MSI2: variants seen among roughly 807,000 people sequenced by gnomAD.
MSI2 encodes musashi RNA binding protein 2.
A neutral mutation model predicts 45.6 loss-of-function variants in MSI2; 17 were observed. That is an observed-to-expected ratio of 0.37 (90% CI 0.26 to 0.56). The LOEUF is 0.56. Among genes scored for constraint, MSI2 ranks in the 20% least tolerant of loss-of-function variants. MSI2 has a pLI of 0.77. For synonymous variants in MSI2, 156 were observed against 158.2 expected (o/e 0.99, Z 0.11); for missense variants, 293 against 444.2 (o/e 0.66, Z 3.06).
chr17:57,353,680 G>C (rs533090895), intron 5 of MSI2, among the ~76,000 whole-genome samples: 1 of 152,276 alleles, frequency 6.6e-6, no homozygotes, highest in East Asian at 1.9e-4. Context: ...TCCAGTACCA[G>C]TAGATTGAAG....
intron 8 of MSI2, among the ~76,000 whole-genome samples, chr17:57,597,683 T>TA (rs1222625482): frequency 6.6e-6 from 1 of 152,174 alleles, no homozygotes; most frequent in Non-Finnish European, 1.5e-5. Context: ...GGACTTTACA[T>TA]AAACAGGCAG....
intron 6 of MSI2, among the ~76,000 whole-genome samples, chr17:57,403,918 A>C (rs1161219231): frequency 7.7e-6 from 1 of 129,834 alleles, no homozygotes; most frequent in Non-Finnish European, 1.6e-5. Context: ...TGGTTGAAGG[A>C]AACAGAATGA....
chr17:57,486,199 TC>T (rs1188583724), intron 6 of MSI2, among the ~76,000 whole-genome samples: 1 of 152,206 alleles, frequency 6.6e-6, no homozygotes, highest in East Asian at 1.9e-4. Context: ...GGTTATTTTT[TC>T]CCCTAGCAAA....
intron 10 of MSI2, among the ~76,000 whole-genome samples, chr17:57,648,032 G>A (rs1366489523): frequency 1.3e-5 from 2 of 151,854 alleles, no homozygotes; most frequent in South Asian, 2.1e-4. Flanking sequence ...GTGCAGTCTC[G>A]GCTCACTGCA....
chr17:57,534,195 C>T (rs2086877074), intron 7 of MSI2, among the ~76,000 whole-genome samples: 1 of 152,234 alleles, frequency 6.6e-6, no homozygotes, highest in African/African-American at 2.4e-5. Flanking sequence ...ACCTGGAGCT[C>T]AGGCTCTTAC....
chr17:57,316,164 G>A (rs776523708), intron 5 of MSI2, among the ~76,000 whole-genome samples: 9 of 152,056 alleles, frequency 5.9e-5, no homozygotes, highest in Non-Finnish European at 1.2e-4. Flanking sequence ...TAGCATGAAG[G>A]AGAAGGGAAA....
In MSI2 at chr17:57,387,278, G is replaced by A. The variant is rs879303808; in HGVS notation, c.313-14101G>A. Reference sequence around the variant, plus strand: ...CTACACATTTAGTAAAGTTCCTGGCGGACTGAGTTCTGTTTGATTGGTGAT... The same window carrying A: ...CTACACATTTAGTAAAGTTCCTGGCAGACTGAGTTCTGTTTGATTGGTGAT... On this transcript the variant is annotated intron_variant, in intron 5 of 13. Transcript: ENST00000284073. Among the ~76,000 whole-genome samples, 25 of 152,280 alleles carry A rather than the reference G, an allele frequency of 1.6e-4. No individual in the cohort carries two copies. In the South Asian group the frequency reaches 1.9e-3, roughly 11 times the overall value.
intron 6 of MSI2, among the ~76,000 whole-genome samples, chr17:57,427,166 G>A (rs769896886): frequency 1.1e-4 from 16 of 152,192 alleles, no homozygotes; most frequent in Non-Finnish European, 2.2e-4. Context: ...GGAGGCAGAG[G>A]TGGGTGGGTC....
chr17:57,307,861 T>C (rs534381137), intron 5 of MSI2, among the ~76,000 whole-genome samples: 1 of 152,372 alleles, frequency 6.6e-6, no homozygotes, highest in African/African-American at 2.4e-5. Flanking sequence ...TCCTGACTAA[T>C]ACATTCCCTA....
intron 5 of MSI2, among the ~76,000 whole-genome samples, chr17:57,273,679 G>A (rs1006547523): frequency 6.6e-6 from 1 of 152,140 alleles, no homozygotes; most frequent in Non-Finnish European, 1.5e-5. Flanking sequence ...TTATTGCCAC[G>A]TCATCCTGTT....
At chr17:57,261,981 G>A in intron 4 of MSI2, 170 bp from the exon 5 acceptor site, 2 of 640,304 alleles carry the variant, frequency 3.1e-6, no homozygotes, top group South Asian at 4.0e-5. Flanking sequence ...ATCTGTTGGA[G>A]GGATGGTTAA....
At chr17:57,687,863 A>C (rs1046603834), downstream of MSI2, among the ~76,000 whole-genome samples, 2 of 152,086 alleles carry the variant, frequency 1.3e-5, no homozygotes, top group Non-Finnish European at 2.9e-5. Context: ...AGTGTAATTT[A>C]ATATGGCCAA....
chr17:57,527,462 G>GT (rs1232754118), intron 6 of MSI2, among the ~76,000 whole-genome samples: 3 of 45,596 alleles, frequency 6.6e-5, no homozygotes, highest in African/African-American at 1.3e-4. Context: ...GCAGGTTACC[G>GT]TCGGCGGGGG....
At chr17:57,654,222 G>A (rs982825775) in intron 11 of MSI2, among the ~76,000 whole-genome samples, 2 of 152,218 alleles carry the variant, frequency 1.3e-5, no homozygotes, top group African/African-American at 4.8e-5. Context: ...AGGGGCTTGG[G>A]ATGTGCCCCA....
At chr17:57,276,854 C>T (rs376461880) in intron 5 of MSI2, among the ~76,000 whole-genome samples, 60 of 152,150 alleles carry the variant, frequency 3.9e-4, no homozygotes, top group African/African-American at 1.3e-3. Context: ...TCAAGGTTTC[C>T]TGGCTCCCAA....
chr17:57,324,361 T>A (rs902664124), intron 5 of MSI2, among the ~76,000 whole-genome samples: 1 of 152,142 alleles, frequency 6.6e-6, no homozygotes, highest in Non-Finnish European at 1.5e-5. Flanking sequence ...TTTCCTCATC[T>A]TACCCGCTGG....
At chr17:57,638,707 TAGTG>T (rs1287430309) in intron 10 of MSI2, among the ~76,000 whole-genome samples, 4 of 152,016 alleles carry the variant, frequency 2.6e-5, no homozygotes, top group Non-Finnish European at 1.5e-5. Context: ...CTGGGCAACA[TAGTG>T]AGACTCTGTC....
rs778466099 is a variant in MSI2, at chr17:57,675,075, C to T, written c.894C>T (p.Tyr298=). ...PASQDSGVGN[Y]ISAASPQPGS... is the part of the protein sequence containing the mutation. ...GCCAGGACTCCGGAGTGGGGAATTA[C>T]ATAAGTGCGGCCAGCCCACAGCCGG... Residue 298 remains tyrosine, a synonymous_variant, in exon 12 of 14, where the codon TAC becomes TAT. Transcript: ENST00000284073. 9.6e-5 allele frequency: 155 copies of T among 1,613,964 alleles called. No homozygotes were observed. The highest frequency in any genetic ancestry group is 1.1e-4 in the Non-Finnish European group (131 of 1,180,020).
At chr17:57,615,311 AG>A (rs1300617849) in intron 8 of MSI2, among the ~76,000 whole-genome samples, 1 of 151,622 alleles carries the variant, frequency 6.6e-6, no homozygotes, top group African/African-American at 2.4e-5. Context: ...GTATTTTTTT[AG>A]TACAGACGGG....
Sources: allele counts gnomAD v4.1 joint callset (sites outside exome capture counted in the v4.1 genomes callset), GRCh38; gene constraint gnomAD v4.1.1; transcripts MANE v1.5; gene names NCBI Gene and HGNC (gene_info 2026-07-23, HGNC 2026-07-21).